Variants in ADGRL3 observed in about 807,000 individuals in gnomAD.
ADGRL3 encodes adhesion G protein-coupled receptor L3, also known as calcium-independent alpha-latrotoxin receptor 3.
ADGRL3 carries 62 observed loss-of-function variants against 153.5 expected under a neutral mutation model. The observed-to-expected ratio is 0.40, with a 90% confidence interval of 0.33 to 0.50. The LOEUF is 0.50. Among genes scored for constraint, ADGRL3 ranks in the 20% least tolerant of loss-of-function variants. The probability of loss-of-function intolerance (pLI) is 0.47; values close to 1 mark genes in which losing one functional copy is unlikely to be tolerated. For missense variants in ADGRL3, 1,641 were observed against 1,859.4 expected (o/e 0.88, Z 2.16); for synonymous variants, 710 against 672.5 (o/e 1.06, Z -0.86).
rs374124862 is a variant in ADGRL3 at position 61,355,740 on chromosome 4, C to T, written c.-239-27384C>T. On this transcript the variant is annotated intron_variant, in intron 1 of 26. Transcript: ENST00000683033. Reference sequence around the variant, plus strand: ...TTGAACATTTCACCTCTTGGTACAGCTATGCTAATCTTCCTATGGGAGTTA... The same window carrying T: ...TTGAACATTTCACCTCTTGGTACAGTTATGCTAATCTTCCTATGGGAGTTA... Among the ~76,000 whole-genome samples, 28 of 152,156 alleles carry T rather than the reference C, an allele frequency of 1.8e-4. 1 individual carries two copies. The highest frequency in any genetic ancestry group is 6.3e-4 in the African/African-American group (26 of 41,552).
chr4:61,376,560 A>G (rs964737022), intron 1 of ADGRL3, among the ~76,000 whole-genome samples: 1 of 152,186 alleles, frequency 6.6e-6, no homozygotes, highest in Middle Eastern at 3.4e-3. Flanking sequence ...AGAGCAGGAA[A>G]CCCCCTGCCC....
chr4:61,441,645 G>T (rs536470477), intron 2 of ADGRL3, among the ~76,000 whole-genome samples: 2 of 151,638 alleles, frequency 1.3e-5, no homozygotes, highest in African/African-American at 4.8e-5. Flanking sequence ...TTAGCCTCCC[G>T]AGTAGCTGGG....
chr4:61,978,170 C>A (rs2099054505), intron 17 of ADGRL3, among the ~76,000 whole-genome samples: 1 of 152,090 alleles, frequency 6.6e-6, no homozygotes, highest in Non-Finnish European at 1.5e-5. Context: ...AAAAAAGTAT[C>A]AATTAGAAAG....
intron 6 of ADGRL3, among the ~76,000 whole-genome samples, chr4:61,705,177 A>G (rs369896695): frequency 6.6e-5 from 10 of 152,190 alleles, no homozygotes; most frequent in African/African-American, 2.2e-4. Context: ...ATCACTATCT[A>G]TGGCAGCTAT....
chr4:61,267,081 T>C (rs2092894183), intron 1 of ADGRL3, among the ~76,000 whole-genome samples: 1 of 151,730 alleles, frequency 6.6e-6, no homozygotes, highest in Non-Finnish European at 1.5e-5. Context: ...TTTAAAAGAT[T>C]TAAGCAGATT....
At chr4:61,799,484 A>G (rs2097461878) in intron 8 of ADGRL3, among the ~76,000 whole-genome samples, 2 of 152,032 alleles carry the variant, frequency 1.3e-5, no homozygotes, top group South Asian at 4.2e-4. Context: ...ACATTCTTCT[A>G]TGACAGACCA....
At chr4:61,511,747 G>C (rs1448893863) in intron 3 of ADGRL3, among the ~76,000 whole-genome samples, 1 of 152,086 alleles carries the variant, frequency 6.6e-6, no homozygotes, top group Non-Finnish European at 1.5e-5. Flanking sequence ...ATACACGGGA[G>C]GACAATTTGT....
chr4:61,451,671 T>G (rs938730309), intron 2 of ADGRL3, among the ~76,000 whole-genome samples: 4 of 152,182 alleles, frequency 2.6e-5, no homozygotes, highest in African/African-American at 9.7e-5. Context: ...GACTAAGTGA[T>G]GATTACATTA....
At chr4:61,532,201 C>A (rs2098622671) in intron 4 of ADGRL3, among the ~76,000 whole-genome samples, 2 of 152,156 alleles carry the variant, frequency 1.3e-5, no homozygotes, top group Non-Finnish European at 2.9e-5. Flanking sequence ...TGCGTGACTG[C>A]ATCTAGACAG....
At chr4:61,473,209 TTGTGTGTGTGTG>T (rs35633555) in intron 2 of ADGRL3, among the ~76,000 whole-genome samples, 1,489 of 148,654 alleles carry the variant, frequency 0.01, 27 homozygotes, top group African/African-American at 0.03. Context: ...TTGTATGTGT[TTGTGTGTGTGTG>T]TGTGTGTGTG....
rs1181404776 is a variant in ADGRL3, at chr4:62,030,001, A to G, written c.3422+1120A>G. 2.6e-5 allele frequency among the ~76,000 whole-genome samples: 4 copies of G among 151,616 alleles called. No homozygotes were observed. In the South Asian group the frequency reaches 6.2e-4, roughly 24 times the overall value. ...TGTAATTCATATAAGCAAACATGTA[A>G]TATGTAATAGCAAAACTCCCTTAGA... is the stretch of plus-strand genomic sequence containing the variant. On this transcript the variant is annotated intron_variant, in intron 22 of 26. Coordinates refer to ENST00000683033, the MANE Select transcript of ADGRL3 (RefSeq NM_001387552.1).
At chr4:61,272,339 G>C (rs1208308158) in intron 1 of ADGRL3, among the ~76,000 whole-genome samples, 1 of 151,766 alleles carries the variant, frequency 6.6e-6, no homozygotes, top group Non-Finnish European at 1.5e-5. Flanking sequence ...GGTTTTAAAA[G>C]TAAGAAAAGA....
At position 61,605,249 on chromosome 4, in the gene ADGRL3, C is replaced by A. The variant is rs977783519; in HGVS notation, c.473+17809C>A. On this transcript the variant is annotated intron_variant, in intron 5 of 26. Transcript: ENST00000683033. ...TAAACTATTCTGCGTTTTGAGGAAGCCTTTAAATTCGTCTCATTATAACTT... is the reference window on the plus strand; with the variant it reads ...TAAACTATTCTGCGTTTTGAGGAAGACTTTAAATTCGTCTCATTATAACTT... Among the ~76,000 whole-genome samples, 3 of 151,710 alleles carry A rather than the reference C, an allele frequency of 2.0e-5. No homozygotes were observed. The East Asian group carries it at 5.8e-4, about 29-fold the overall frequency.
intron 1 of ADGRL3, among the ~76,000 whole-genome samples, chr4:61,371,044 G>A (rs1179684104): frequency 1.3e-5 from 2 of 151,004 alleles, no homozygotes; most frequent in African/African-American, 4.9e-5. Flanking sequence ...CAGAGACTAG[G>A]ATTGCAACCC....
intron 1 of ADGRL3, among the ~76,000 whole-genome samples, chr4:61,274,607 G>T (rs531756107): frequency 7.9e-5 from 12 of 152,174 alleles, no homozygotes; most frequent in South Asian, 6.2e-4. Context: ...TTCTGTGTTT[G>T]TTTTTTTGGT....
intron 8 of ADGRL3, among the ~76,000 whole-genome samples, chr4:61,794,842 G>A (rs977847946): frequency 6.6e-6 from 1 of 152,194 alleles, no homozygotes; most frequent in African/African-American, 2.4e-5. Context: ...ATGTTTGCTT[G>A]TGAACTAATG....
intron 8 of ADGRL3, among the ~76,000 whole-genome samples, chr4:61,750,810 A>AAAAAAAAAAAAAAAAAG (rs746270309): frequency 2.7e-5 from 4 of 147,164 alleles, no homozygotes; most frequent in African/African-American, 8.0e-5. Context: ...AAAAAAAAAA[A>AAAAAAAAAAAAAAAAAG]AAGTCAAAGC....
chr4:61,361,864 G>C (rs530991431), intron 1 of ADGRL3, among the ~76,000 whole-genome samples: 1 of 150,926 alleles, frequency 6.6e-6, no homozygotes, highest in Non-Finnish European at 1.5e-5. Context: ...TATAAAACAT[G>C]TATACTCAAC....
intron 11 of ADGRL3, among the ~76,000 whole-genome samples, chr4:61,901,407 G>C (rs1219826919): frequency 6.6e-6 from 1 of 152,128 alleles, no homozygotes; most frequent in Non-Finnish European, 1.5e-5. Flanking sequence ...TAGAAACTAG[G>C]TTGAATCCTG....
Sources: allele counts gnomAD v4.1 joint callset (sites outside exome capture counted in the v4.1 genomes callset), GRCh38; gene constraint gnomAD v4.1.1; transcripts MANE v1.5; gene names NCBI Gene and HGNC (gene_info 2026-07-23, HGNC 2026-07-21).